Variants in CEP57L1 observed in about 807,000 individuals in gnomAD.
CEP57L1 encodes centrosomal protein CEP57L1.
Under a neutral mutation model 61.0 loss-of-function variants are expected in CEP57L1, and 37 were observed. That is an observed-to-expected ratio of 0.61 (90% confidence interval 0.47 to 0.80). The LOEUF (loss-of-function observed/expected upper bound fraction) is 0.80. Among genes scored for constraint, CEP57L1 ranks in the 30% least tolerant of loss-of-function variants. CEP57L1 has a pLI of 0.00. For missense variants in CEP57L1, 422 were observed against 524.7 expected (o/e 0.80, Z 1.91); for synonymous variants, 137 against 162.3 (o/e 0.84, Z 1.19).
intron 1 of CEP57L1, 22 bp from the exon 2 acceptor site, chr6:109,145,197 A>G: frequency 6.8e-7 from 1 of 1,464,908 alleles, no homozygotes. Flanking sequence ...ATGATACTAT[A>G]TCATTCCTTT....
intron 1 of CEP57L1, among the ~76,000 whole-genome samples, chr6:109,131,965 A>G (rs1774251737): frequency 6.6e-6 from 1 of 152,182 alleles, no homozygotes; most frequent in South Asian, 2.1e-4. Flanking sequence ...TCCCCTGTGG[A>G]TAATTTAAGG....
intron 1 of CEP57L1, among the ~76,000 whole-genome samples, chr6:109,133,911 C>T (rs998078173): frequency 1.3e-5 from 2 of 152,104 alleles, no homozygotes; most frequent in African/African-American, 4.8e-5. Context: ...GAAATTGAGG[C>T]AATAATTAAT....
chr6:109,151,190 T>C (rs903893693), intron 4 of CEP57L1, among the ~76,000 whole-genome samples: 1 of 152,168 alleles, frequency 6.6e-6, no homozygotes, highest in African/African-American at 2.4e-5. Context: ...AAAGTACCAA[T>C]CAATACTGGA....
chr6:109,153,028 A>G (rs915070438), intron 4 of CEP57L1, among the ~76,000 whole-genome samples: 2 of 151,464 alleles, frequency 1.3e-5, no homozygotes, highest in Non-Finnish European at 1.5e-5. Context: ...GGAGAATCGC[A>G]TGAACCCAGG....
intron 1 of CEP57L1, among the ~76,000 whole-genome samples, chr6:109,116,005 T>A (rs1772227025): frequency 6.6e-6 from 1 of 152,220 alleles, no homozygotes; most frequent in South Asian, 2.1e-4. Flanking sequence ...TTTATCTGTA[T>A]TTTTATGAGT....
At chr6:109,129,115 G>A (rs1217704100) in intron 1 of CEP57L1, among the ~76,000 whole-genome samples, 1 of 152,086 alleles carries the variant, frequency 6.6e-6, no homozygotes, top group Non-Finnish European at 1.5e-5. Flanking sequence ...CAGCAGAATC[G>A]CTTGAACCTG....
chr6:109,134,474 C>T (rs569635050), intron 1 of CEP57L1, among the ~76,000 whole-genome samples: 1 of 152,286 alleles, frequency 6.6e-6, no homozygotes, highest in South Asian at 2.1e-4. Flanking sequence ...TGGGCAAAAA[C>T]TGGAAGCATG....
Position 109,171,326 on chromosome 6 carries a change from C to T in CEP57L1, c.*8356C>T, listed in dbSNP as rs189761582. On this transcript the variant is annotated 3_prime_UTR_variant, in exon 11 of 11. Transcript: ENST00000517392. ...CGATCTCAGCTCACTGCAACCTCCG[C>T]CTCCCAGGTTCAAGCGATTCTTCTG... Among the ~76,000 whole-genome samples, 9 of 151,694 alleles carry T rather than the reference C, an allele frequency of 5.9e-5. No homozygotes were observed. In the East Asian group the frequency reaches 1.2e-3, roughly 20 times the overall value.
chr6:109,096,004 A>G (rs759292037), intron 1 of CEP57L1, among the ~76,000 whole-genome samples: 3 of 152,182 alleles, frequency 2.0e-5, no homozygotes, highest in Non-Finnish European at 4.4e-5. Flanking sequence ...CAAGTTGTCA[A>G]ATCCATCTCG....
Position 109,173,270 on chromosome 6 carries a change from T to G in CEP57L1, c.*10300T>G, listed in dbSNP as rs79971938. On this transcript the variant is annotated 3_prime_UTR_variant, in exon 11 of 11. Coordinates refer to ENST00000517392, the MANE Select transcript of CEP57L1 (RefSeq NM_001271852.3). ...AGTTATATTAATAATTTTTATTAAT[T>G]TTTTTCCTGAATCCTAAAAGGTCAG... is the stretch of plus-strand genomic sequence containing the variant. Among the ~76,000 whole-genome samples the G allele has an allele frequency of 0.12, 18,940 of 152,038 alleles. 1,326 individuals are homozygous for G. The highest frequency in any genetic ancestry group is 0.21 in the Middle Eastern group (63 of 294).
rs1358769363 is a variant in CEP57L1 at position 109,163,130 on chromosome 6, G to A, written c.*160G>A. On this transcript the variant is annotated 3_prime_UTR_variant, in exon 11 of 11. Transcript: ENST00000517392. ...TTTAAAAATTAATGCCTAATGACCT[G>A]GTGGGTTCCAAATAATAAATTAATT... 3.6e-6 allele frequency: 2 copies of A among 561,348 alleles called. No homozygotes were observed. The highest frequency in any genetic ancestry group is 1.9e-5 in the African/African-American group (1 of 52,102). The allele number at this position is 561,348 out of a possible 1,614,324, so 34.8% of individuals were successfully genotyped here.
chr6:109,148,521 T>A (rs2114884514), intron 3 of CEP57L1, among the ~76,000 whole-genome samples: 1 of 152,290 alleles, frequency 6.6e-6, no homozygotes, highest in Non-Finnish European at 1.5e-5. Context: ...TCTATCATTG[T>A]TGGACATTTG....
At chr6:109,150,355 C>G (rs1215132947) in intron 4 of CEP57L1, 116 bp downstream of exon 4, 1 of 1,228,034 alleles carries the variant, frequency 8.1e-7, no homozygotes, top group East Asian at 2.6e-5. Context: ...TGAGGTCTAA[C>G]TTACGTGTAA....
intron 1 of CEP57L1, among the ~76,000 whole-genome samples, chr6:109,141,271 A>G (rs1200109146): frequency 6.6e-6 from 1 of 151,810 alleles, no homozygotes; most frequent in African/African-American, 2.4e-5. Flanking sequence ...GCTAGTGTGT[A>G]GTGGCGCAAT....
At position 109,174,089 on chromosome 6, in the gene CEP57L1, G is replaced by A. The variant is rs780145373; in HGVS notation, c.*11119G>A. Among the ~76,000 whole-genome samples the A allele has an allele frequency of 7.8e-6, 1 of 128,350 alleles. No individual in the cohort carries two copies. The highest frequency in any genetic ancestry group is 3.2e-5 in the African/African-American group (1 of 31,272). The allele number at this position is 128,350 out of a possible 152,430, so 84.2% of individuals were successfully genotyped here. A position where few individuals can be genotyped will look rare whatever the true frequency, so the allele number is the denominator to read the frequency against. On this transcript the variant is annotated 3_prime_UTR_variant, in exon 11 of 11. Coordinates refer to ENST00000517392, the MANE Select transcript of CEP57L1 (RefSeq NM_001271852.3). ...CACTCCAGCCTGAGCCATAGAGTGA[G>A]TCTTGGTCTCAAAAAAAAAAAAAAA...
chr6:109,097,833 G>A (rs1171058638), intron 1 of CEP57L1, among the ~76,000 whole-genome samples: 1 of 152,194 alleles, frequency 6.6e-6, no homozygotes, highest in Non-Finnish European at 1.5e-5. Context: ...TGAAGTAGGG[G>A]AGGGAATAAA....
chr6:109,145,833 A>C (rs1472501773), intron 2 of CEP57L1, among the ~76,000 whole-genome samples: 1 of 151,982 alleles, frequency 6.6e-6, no homozygotes, highest in Non-Finnish European at 1.5e-5. Context: ...TTTAACGTTT[A>C]AAATAGAAAT....
chr6:109,127,158 C>G (rs1033613937), intron 1 of CEP57L1, among the ~76,000 whole-genome samples: 1 of 152,120 alleles, frequency 6.6e-6, no homozygotes, highest in Non-Finnish European at 1.5e-5. Context: ...GAGCGAAACT[C>G]CGTCTCAAAC....
rs138710950 is a variant in CEP57L1, at chr6:109,120,147, C to T, written c.-4+24572C>T. On this transcript the variant is annotated intron_variant, in intron 1 of 10. Coordinates refer to ENST00000517392, the MANE Select transcript of CEP57L1 (RefSeq NM_001271852.3). Reference sequence around the variant, plus strand: ...ATTCCCATTTTATAGATAGGAGGAACGTTTAAGAAACCTACTGCAGATCAC... The same window carrying T: ...ATTCCCATTTTATAGATAGGAGGAATGTTTAAGAAACCTACTGCAGATCAC... Among the ~76,000 whole-genome samples, 822 of 152,174 alleles carry T rather than the reference C, an allele frequency of 5.4e-3. 9 individuals carry two copies. Among genetic ancestry groups the T allele is most frequent in the African/African-American group, 0.018 (729 of 41,504 alleles).
Sources: allele counts gnomAD v4.1 joint callset (sites outside exome capture counted in the v4.1 genomes callset), GRCh38; gene constraint gnomAD v4.1.1; transcripts MANE v1.5; gene names NCBI Gene and HGNC (gene_info 2026-07-23, HGNC 2026-07-21).